The following RNF217 variants were observed in gnomAD, a reference collection of about 807,000 sequenced individuals.
RNF217 encodes E3 ubiquitin-protein ligase RNF217.
Under a neutral mutation model 57.8 loss-of-function variants are expected in RNF217, and 31 were observed. That is an observed-to-expected ratio of 0.54 (90% CI 0.40 to 0.72). RNF217 has a LOEUF of 0.72. Among genes scored for constraint, RNF217 ranks in the 30% least tolerant of loss-of-function variants. RNF217 has a pLI of 0.00. For synonymous variants in RNF217, 313 were observed against 294.0 expected (o/e 1.06, Z -0.66); for missense variants, 696 against 708.3 (o/e 0.98, Z 0.20).
chr6:124,990,623 C>A (rs1466188823), intron 1 of RNF217, among the ~76,000 whole-genome samples: 1 of 152,114 alleles, frequency 6.6e-6, no homozygotes, highest in Non-Finnish European at 1.5e-5. Flanking sequence ...ATTGTTAGAT[C>A]TACCTTTAAA....
intron 5 of RNF217, chr6:125,082,581 C>T (rs765491122): frequency 6.2e-7 from 1 of 1,604,414 alleles, no homozygotes; most frequent in Non-Finnish European, 8.5e-7. Flanking sequence ...TCATAGTGTG[C>T]AAATGATATG....
chr6:125,079,079 C>A (rs1788478736), intron 4 of RNF217, among the ~76,000 whole-genome samples: 1 of 152,120 alleles, frequency 6.6e-6, no homozygotes, highest in Admixed American at 6.6e-5. Flanking sequence ...GGGCCTTCAT[C>A]TCTCTCACAG....
chr6:124,972,726 T>A (rs1783808369), intron 1 of RNF217, among the ~76,000 whole-genome samples: 1 of 152,180 alleles, frequency 6.6e-6, no homozygotes, highest in Non-Finnish European at 1.5e-5. Flanking sequence ...TTTGCCCCAT[T>A]CACACCCATT....
intron 3 of RNF217, among the ~76,000 whole-genome samples, chr6:125,073,675 G>A (rs1392348656): frequency 6.6e-6 from 1 of 152,088 alleles, no homozygotes; most frequent in Admixed American, 6.6e-5. Context: ...GCCTATCTAG[G>A]AAAGCACTCT....
chr6:125,031,898 A>G (rs1786377821), intron 1 of RNF217, among the ~76,000 whole-genome samples: 1 of 152,144 alleles, frequency 6.6e-6, no homozygotes. Context: ...ACAAAGACAT[A>G]CACAAGACTG....
chr6:125,081,488 G>A lies in RNF217; in HGVS notation c.1536G>A (p.Gly512=), dbSNP rs745933910. ...PLIMVLGLAL[G]AIAVVIGLFV... ...TTATGGTTTTGGGATTGGCACTAGG[G>A]GCCATAGCGGTTGTAATCGGTAAGA... is the stretch of plus-strand genomic sequence containing the variant. The change falls in exon 5 of 6, where the codon GGG becomes GGA. Residue 512 remains glycine, a synonymous_variant. Coordinates refer to ENST00000521654, the MANE Select transcript of RNF217 (RefSeq NM_001286398.3). 1.2e-6 allele frequency: 2 copies of A among 1,611,184 alleles called. No individual in the cohort carries two copies. Among genetic ancestry groups the A allele is most frequent in the Admixed American group, 3.3e-5 (2 of 59,796 alleles).
chr6:124,988,656 C>T (rs1035707621), intron 1 of RNF217, among the ~76,000 whole-genome samples: 2 of 152,200 alleles, frequency 1.3e-5, no homozygotes, highest in African/African-American at 4.8e-5. Context: ...CATTTTAACA[C>T]ATTTTAGCAG....
intron 2 of RNF217, among the ~76,000 whole-genome samples, chr6:125,057,383 T>TC (rs1787562532): frequency 1.3e-5 from 2 of 152,156 alleles, no homozygotes; most frequent in African/African-American, 4.8e-5. Flanking sequence ...GGTTTCACCA[T>TC]GTTGGCCAGG....
intron 1 of RNF217, among the ~76,000 whole-genome samples, chr6:125,008,530 T>C (rs546660537): frequency 3.9e-4 from 59 of 152,236 alleles, no homozygotes; most frequent in Admixed American, 1.6e-3. Flanking sequence ...GTTTCCAACT[T>C]CTTGGAGTGA....
intron 2 of RNF217, among the ~76,000 whole-genome samples, chr6:125,057,730 G>C (rs1787574830): frequency 6.6e-6 from 1 of 152,102 alleles, no homozygotes; most frequent in Non-Finnish European, 1.5e-5. Context: ...TTTAACTCCA[G>C]TACAGCCTAC....
intron 2 of RNF217, among the ~76,000 whole-genome samples, chr6:125,049,125 T>G (rs1322099268): frequency 6.6e-6 from 1 of 152,034 alleles, no homozygotes; most frequent in Non-Finnish European, 1.5e-5. Flanking sequence ...GTTCCTGTAA[T>G]TTATCAGTGC....
intron 1 of RNF217, among the ~76,000 whole-genome samples, chr6:125,031,755 G>A (rs1786371138): frequency 6.6e-6 from 1 of 152,032 alleles, no homozygotes; most frequent in Non-Finnish European, 1.5e-5. Context: ...ATCTTCTTCT[G>A]AGCCCTCCAA....
At chr6:125,063,924 C>G (rs1479738271) in intron 3 of RNF217, among the ~76,000 whole-genome samples, 1 of 151,978 alleles carries the variant, frequency 6.6e-6, no homozygotes, top group Non-Finnish European at 1.5e-5. Context: ...CTCTTCAATC[C>G]TATAATAGAA....
chr6:124,978,890 C>A (rs1400151523), intron 1 of RNF217, among the ~76,000 whole-genome samples: 1 of 152,176 alleles, frequency 6.6e-6, no homozygotes, highest in African/African-American at 2.4e-5. Context: ...GCGGACAGGG[C>A]ACCCTGAAAG....
chr6:125,088,341 G>C lies in RNF217; in HGVS notation c.*5404G>C, dbSNP rs1207467099. 1 of 152,108 alleles carries C rather than the reference G, an allele frequency of 6.6e-6. No homozygotes were observed. Among genetic ancestry groups the C allele is most frequent in the East Asian group, 1.9e-4 (1 of 5,190 alleles). 9.4% of individuals were successfully genotyped at this position (152,108 alleles called of 1,614,324 possible). Reference sequence around the variant, plus strand: ...TACAAATCTTTAAGAAAGAATTACAGTGGGACTCCTTTGAAACTCTGATTT... The same window carrying C: ...TACAAATCTTTAAGAAAGAATTACACTGGGACTCCTTTGAAACTCTGATTT... On this transcript the variant is annotated 3_prime_UTR_variant, in exon 6 of 6. Coordinates refer to ENST00000521654, the MANE Select transcript of RNF217 (RefSeq NM_001286398.3).
At chr6:125,054,785 T>G (rs560980177) in intron 2 of RNF217, among the ~76,000 whole-genome samples, 1 of 152,306 alleles carries the variant, frequency 6.6e-6, no homozygotes, top group African/African-American at 2.4e-5. Context: ...TGTGAAAATG[T>G]GCACTTTTGG....
intron 1 of RNF217, among the ~76,000 whole-genome samples, chr6:125,027,862 C>T (rs2759261): frequency 0.86 from 130,669 of 152,220 alleles, 56,492 homozygotes; most frequent in East Asian, 1. Flanking sequence ...TGGGGTGAGA[C>T]GGTATCTCTT....
intron 1 of RNF217, among the ~76,000 whole-genome samples, chr6:125,002,680 C>T (rs1459536973): frequency 1.3e-5 from 2 of 152,160 alleles, no homozygotes; most frequent in Non-Finnish European, 2.9e-5. Flanking sequence ...GGTCTCCCTC[C>T]TCCTTTCTGC....
At chr6:125,031,885 T>C (rs478948) in intron 1 of RNF217, among the ~76,000 whole-genome samples, 64,105 of 151,524 alleles carry the variant, frequency 0.42, 13,829 homozygotes, top group African/African-American at 0.52. Flanking sequence ...TTTCACACTT[T>C]TGACAAAGAC....
Sources: gnomAD v4.1 joint callset for allele counts (sites outside exome capture counted in the v4.1 genomes callset) on GRCh38, gnomAD v4.1.1 for gene constraint, MANE v1.5 for transcripts, NCBI Gene and HGNC (gene_info 2026-07-23, HGNC 2026-07-21) for gene names.